The following BCAS3 variants were observed in gnomAD, a reference collection of about 807,000 sequenced individuals.
The protein encoded by BCAS3 is BCAS3 microtubule associated cell migration factor, also known as BCAS4/BCAS3 fusion.
BCAS3 carries 53 observed loss-of-function variants against 116.1 expected under a neutral mutation model. That is an observed-to-expected ratio of 0.46 (90% CI 0.37 to 0.57). The LOEUF (loss-of-function observed/expected upper bound fraction) is 0.57, where lower values mean the gene tolerates loss of function less well. Among genes scored for constraint, BCAS3 ranks in the 20% least tolerant of loss-of-function variants. BCAS3 has a pLI of 0.00. For synonymous variants in BCAS3, 391 were observed against 408.2 expected (o/e 0.96, Z 0.51); for missense variants, 917 against 1,165.4 (o/e 0.79, Z 3.10).
At chr17:61,342,402 T>C (rs1248566266) in intron 22 of BCAS3, among the ~76,000 whole-genome samples, 1 of 152,158 alleles carries the variant, frequency 6.6e-6, no homozygotes, top group African/African-American at 2.4e-5. Flanking sequence ...CACATCAGCC[T>C]CCCAAAGTGC....
chr17:61,055,387 C>T (rs534645303), intron 19 of BCAS3, among the ~76,000 whole-genome samples: 114 of 152,310 alleles, frequency 7.5e-4, no homozygotes, highest in Non-Finnish European at 1.2e-3. Flanking sequence ...TCAGCCTTCT[C>T]TATAGAATTT....
intron 4 of BCAS3, among the ~76,000 whole-genome samples, chr17:60,697,679 A>G (rs542137708): frequency 2.6e-5 from 4 of 152,056 alleles, no homozygotes; most frequent in South Asian, 2.1e-4. Flanking sequence ...CACCAGTTGC[A>G]AACAGTCTTC....
rs1167366691 is a variant in BCAS3 at position 61,007,274 on chromosome 17, C to T, written c.1487-8477C>T. On this transcript the variant is annotated intron_variant, in intron 15 of 23. Transcript: ENST00000407086. The surrounding 1 kb of genome is among the most constrained non-coding windows in gnomAD (Gnocchi z 4.3). ...AGGGAATTTTTGCCTCCTAAGTTTT[C>T]AATATTCCTTGTTCTAGGCCCACCT... 6.6e-6 allele frequency among the ~76,000 whole-genome samples: 1 copy of T among 151,944 alleles called. No individual in the cohort carries two copies. Among genetic ancestry groups the T allele is most frequent in the African/African-American group, 2.4e-5 (1 of 41,382 alleles).
intron 6 of BCAS3, among the ~76,000 whole-genome samples, chr17:60,792,067 G>A (rs979612164): frequency 2.6e-5 from 4 of 152,212 alleles, no homozygotes; most frequent in African/African-American, 7.2e-5. Flanking sequence ...AGGTTGCAGT[G>A]AGCCGAGATC....
chr17:60,700,044 C>T (rs955626313), intron 4 of BCAS3, among the ~76,000 whole-genome samples: 3 of 151,834 alleles, frequency 2.0e-5, no homozygotes, highest in Non-Finnish European at 4.4e-5. Context: ...CATGGTGGCA[C>T]GTCCCTATGG....
In BCAS3 at chr17:61,051,741, G is replaced by A. The variant is rs2068878387; in HGVS notation, c.2029+10849G>A. On this transcript the variant is annotated intron_variant, in intron 19 of 23. Transcript: ENST00000407086. The surrounding 1 kb of genome is among the most constrained non-coding windows in gnomAD (Gnocchi z 4.1). ...GCCTCCTGAGTACCTGGGACTATAG[G>A]CTCGCACCATCATGCCTGGCTAATT... Among the ~76,000 whole-genome samples, 1 of 152,030 alleles carries A rather than the reference G, an allele frequency of 6.6e-6. No homozygotes were observed. Among genetic ancestry groups the A allele is most frequent in the Non-Finnish European group, 1.5e-5 (1 of 68,016 alleles).
chr17:61,347,104 T>G lies in BCAS3; in HGVS notation c.2426-21223T>G, dbSNP rs1402067605. Among the ~76,000 whole-genome samples, 1 of 152,196 alleles carries G rather than the reference T, an allele frequency of 6.6e-6. No homozygotes were observed. The highest frequency in any genetic ancestry group is 1.5e-5 in the Non-Finnish European group (1 of 68,040). On this transcript the variant is annotated intron_variant, in intron 22 of 23. Transcript: ENST00000407086. The surrounding 1 kb of genome is among the most constrained non-coding windows in gnomAD (Gnocchi z 4.3). ...ACAAATTTTTTTTTAAGGCAGAGTC[T>G]TGCTCTGTCACCCAGGCTGGAGTGC...
At position 60,816,341 on chromosome 17, in the gene BCAS3, C is replaced by G. The variant is rs1353996762; in HGVS notation, c.476+8265C>G. Among the ~76,000 whole-genome samples the G allele has an allele frequency of 1.5e-4, 22 of 144,068 alleles. No individual in the cohort carries two copies. The Admixed American group carries it at 1.5e-3, about 10-fold the overall frequency. The allele number at this position is 144,068 out of a possible 152,430, so 94.5% of individuals were successfully genotyped here. ...CCAGACTGGAGTGCAGTGGCGTGAT[C>G]TCAGCTCACGGCAACCTCCACCTCC... On this transcript the variant is annotated intron_variant, in intron 7 of 23. Coordinates refer to ENST00000407086, the MANE Select transcript of BCAS3 (RefSeq NM_017679.5).
At chr17:60,921,516 G>A (rs1483347484) in intron 12 of BCAS3, among the ~76,000 whole-genome samples, 4 of 150,864 alleles carry the variant, frequency 2.7e-5, no homozygotes, top group Non-Finnish European at 5.9e-5. Context: ...GGGAGGCTGA[G>A]GCAGGAGAAT....
intron 15 of BCAS3, among the ~76,000 whole-genome samples, chr17:60,992,339 T>C (rs1410352189): frequency 2.0e-5 from 3 of 152,182 alleles, no homozygotes; most frequent in Non-Finnish European, 4.4e-5. Context: ...GATCATACTT[T>C]ATGCTTTGGT....
At position 61,379,014 on chromosome 17, in the gene BCAS3, C is replaced by T. The variant is rs1030963238; in HGVS notation, c.2593+10520C>T. ...CGACCTCTGTGACCCTTCAGAGTCC[C>T]CTCTCCAGGTGCTGCCCCAACATGA... On this transcript the variant is annotated intron_variant, in intron 23 of 23. Transcript: ENST00000407086. This position sits in a 1 kb window ranked among gnomAD's most constrained non-coding sequence, Gnocchi z 5.5. The T allele has an allele frequency of 6.6e-6, 1 of 152,252 alleles. No individual in the cohort carries two copies. Among genetic ancestry groups the T allele is most frequent in the Non-Finnish European group, 1.5e-5 (1 of 68,098 alleles). 9.4% of individuals were successfully genotyped at this position (152,252 alleles called of 1,614,324 possible). A position where few individuals can be genotyped will look rare whatever the true frequency, so the allele number is the denominator to read the frequency against.
At chr17:61,129,947 A>G (rs2076242539) in intron 22 of BCAS3, among the ~76,000 whole-genome samples, 2 of 152,226 alleles carry the variant, frequency 1.3e-5, no homozygotes. Context: ...ATCTGTACTT[A>G]ACAAAGACTG....
rs2074658479 is a variant in BCAS3 at position 61,106,468 on chromosome 17, T to C, written c.2425+21904T>C. Among the ~76,000 whole-genome samples, 1 of 152,346 alleles carries C rather than the reference T, an allele frequency of 6.6e-6. No homozygotes were observed. Among genetic ancestry groups the C allele is most frequent in the East Asian group, 1.9e-4 (1 of 5,192 alleles). On this transcript the variant is annotated intron_variant, in intron 22 of 23. Transcript: ENST00000407086. The surrounding 1 kb of genome is among the most constrained non-coding windows in gnomAD (Gnocchi z 4.2). ...GTTATAGCATATAGCTTAGGTGTGT[T>C]GTAGGCTATTCTATCTAGGTTTGTA...
intron 5 of BCAS3, among the ~76,000 whole-genome samples, chr17:60,712,031 G>GGCAC (rs200615713): frequency 0.015 from 2,229 of 152,234 alleles, 29 homozygotes; most frequent in South Asian, 0.023. Flanking sequence ...CGGGCATGAT[G>GGCAC]GCACATGTCT....
intron 22 of BCAS3, among the ~76,000 whole-genome samples, chr17:61,174,478 C>G (rs1439812880): frequency 6.6e-6 from 1 of 152,210 alleles, no homozygotes; most frequent in Non-Finnish European, 1.5e-5. Flanking sequence ...TCCATGTTGT[C>G]ACAAATGACA....
chr17:60,924,131 C>T (rs1296769789), intron 12 of BCAS3, among the ~76,000 whole-genome samples: 1 of 151,802 alleles, frequency 6.6e-6, no homozygotes, highest in East Asian at 1.9e-4. Flanking sequence ...CATTTTTTTT[C>T]CTCTGAACCT....
intron 21 of BCAS3, among the ~76,000 whole-genome samples, chr17:61,081,240 G>A (rs2072574146): frequency 6.6e-6 from 1 of 151,956 alleles, no homozygotes; most frequent in Non-Finnish European, 1.5e-5. Context: ...TCTAGTGATT[G>A]ACCAGCTGCT....
intron 22 of BCAS3, among the ~76,000 whole-genome samples, chr17:61,172,953 A>C (rs550080126): frequency 1.1e-3 from 162 of 151,768 alleles, no homozygotes; most frequent in African/African-American, 3.6e-3. Flanking sequence ...ACGCCACTGC[A>C]CTCCAGCCTG....
At chr17:60,766,653 G>C (rs1010823459) in intron 6 of BCAS3, among the ~76,000 whole-genome samples, 1 of 152,244 alleles carries the variant, frequency 6.6e-6, no homozygotes, top group Non-Finnish European at 1.5e-5. Context: ...ACAGGGGTCA[G>C]GGACCCACTT....
Sources: allele counts gnomAD v4.1 joint callset (sites outside exome capture counted in the v4.1 genomes callset), GRCh38; gene constraint gnomAD v4.1.1; non-coding constraint Gnocchi (gnomAD v3.1); transcripts MANE v1.5; gene names NCBI Gene and HGNC (gene_info 2026-07-23, HGNC 2026-07-21).